WDFY4: variants seen among roughly 807,000 people sequenced by gnomAD.
WDFY4 encodes the protein WDFY family member 4, also known as WD repeat- and FYVE domain-containing protein 4.
In WDFY4, 169 loss-of-function variants were observed where a neutral mutation model predicts 351.9. The ratio of observed to expected loss-of-function variants is 0.48; its 90% CI spans 0.42 to 0.55. WDFY4 has a LOEUF of 0.55. WDFY4 is among the 20% of genes least tolerant of loss of function. WDFY4 has a pLI of 0.00. For missense variants in WDFY4, 3,803 were observed against 3,935.6 expected (o/e 0.97, Z 0.90); for synonymous variants, 1,622 against 1,574.6 (o/e 1.03, Z -0.71).
In WDFY4 at chr10:48,976,823, A is replaced by G; in HGVS notation, c.9135A>G (p.Ala3045=). 3 of 1,497,360 alleles carry G rather than the reference A, an allele frequency of 2.0e-6. No homozygotes were observed. Among genetic ancestry groups the G allele is most frequent in the East Asian group, 2.6e-5 (1 of 38,048 alleles). The allele number at this position is 1,497,360 out of a possible 1,614,324, so 92.8% of individuals were successfully genotyped here. ...VSGTIVSCAG[A]HLSLWNVNGQ... The stretch of plus-strand genomic sequence containing the variant: ...GCACCATTGTCTCCTGTGCGGGAGC[A>G]CACTTGTCCCTGTGGAATGTCAATG... The change falls in exon 59 of 62, where the codon GCA becomes GCG. Residue 3045 remains alanine (A), a synonymous_variant. Coordinates refer to ENST00000325239, the MANE Select transcript of WDFY4 (RefSeq NM_001394531.1).
chr10:48,971,621 T>A (rs1842340864), intron 57 of WDFY4, among the ~76,000 whole-genome samples: 1 of 152,184 alleles, frequency 6.6e-6, no homozygotes, highest in South Asian at 2.1e-4. Context: ...GTTCTCTGGA[T>A]AATTTTCAAG....
intron 43 of WDFY4, 106 bp downstream of exon 43, chr10:48,877,305 C>T: frequency 9.6e-7 from 1 of 1,037,414 alleles, no homozygotes; most frequent in Non-Finnish European, 1.4e-6. Context: ...AATGAGATCT[C>T]CATTTGCTAT....
intron 43 of WDFY4, among the ~76,000 whole-genome samples, chr10:48,885,726 C>G (rs1254540242): frequency 7.4e-6 from 1 of 135,246 alleles, no homozygotes; most frequent in Non-Finnish European, 1.6e-5. Flanking sequence ...CTCTCTCTCT[C>G]TCTCTCTCTA....
intron 2 of WDFY4, among the ~76,000 whole-genome samples, chr10:48,716,150 G>A (rs1025098601): frequency 1.1e-4 from 17 of 151,910 alleles, no homozygotes; most frequent in Admixed American, 3.3e-4. Context: ...CATCACACTC[G>A]CAGGGAAACT....
At chr10:48,790,323 T>C (rs1326215001) in intron 22 of WDFY4, among the ~76,000 whole-genome samples, 3 of 152,208 alleles carry the variant, frequency 2.0e-5, no homozygotes, top group African/African-American at 7.2e-5. Context: ...CTGGTCACCA[T>C]TCAATTGAGC....
At chr10:48,934,910 C>T (rs2133709506) in intron 47 of WDFY4, among the ~76,000 whole-genome samples, 2 of 152,344 alleles carry the variant, frequency 1.3e-5, no homozygotes, top group Admixed American at 1.3e-4. Flanking sequence ...CCTTCCCAGG[C>T]TCGCCTGTGC....
intron 22 of WDFY4, among the ~76,000 whole-genome samples, chr10:48,790,203 C>T (rs1336101270): frequency 5.3e-5 from 8 of 152,226 alleles, no homozygotes; most frequent in Admixed American, 3.3e-4. Flanking sequence ...CAGTGGTGAG[C>T]TCAGCTACTA....
chr10:48,743,127 C>A lies in WDFY4; in HGVS notation c.2038C>A (p.Leu680Met). The part of the protein sequence containing the change: ...GAVSPRQTLE[L>M]VLYTLCAVSA... ...AGTATCCCCCAGACAGACCCTGGAG[C>A]TGGTTTTGTACACTCTCTGTGCTGT... Residue 680 changes from leucine (L) to methionine (M), a missense_variant, in exon 12 of 62, where the codon CTG becomes ATG. Leu to Met is a conservative substitution (Grantham distance 15). Around this residue, in one of 3 missense-constraint regions of WDFY4, gnomAD observed 3,054 missense variants for 3,148.6 expected, o/e 0.97. Transcript: ENST00000325239. The A allele has an allele frequency of 6.4e-7, 1 of 1,551,712 alleles. No homozygotes were observed. The highest frequency in any genetic ancestry group is 1.2e-5 in the South Asian group (1 of 84,060).
At chr10:48,922,992 A>G (rs1211712670) in intron 47 of WDFY4, among the ~76,000 whole-genome samples, 1 of 152,196 alleles carries the variant, frequency 6.6e-6, no homozygotes, top group Non-Finnish European at 1.5e-5. Context: ...ACATCTGTTG[A>G]AGCTTAGAGA....
intron 51 of WDFY4, among the ~76,000 whole-genome samples, chr10:48,953,291 G>T (rs1328978680): frequency 6.8e-6 from 1 of 146,506 alleles, no homozygotes; most frequent in Non-Finnish European, 1.5e-5. Flanking sequence ...CTGCTTCATC[G>T]CATGAGATAT....
intron 47 of WDFY4, chr10:48,909,432 G>T (rs1218120761): frequency 6.6e-6 from 1 of 151,984 alleles, no homozygotes; most frequent in Non-Finnish European, 1.5e-5. Context: ...AGTTGCTTGA[G>T]GTATCTTAGT....
rs557148180 is a variant in WDFY4 at position 48,833,355 on chromosome 10, G to A, written c.6663+646G>A. On this transcript the variant is annotated intron_variant, in intron 39 of 61. Coordinates refer to ENST00000325239, the MANE Select transcript of WDFY4 (RefSeq NM_001394531.1). ...GGCTTTAGTCTGAGACCTTAAGGGG[G>A]GCTATTGGCTGGAACACCTACACAT... Among the ~76,000 whole-genome samples the A allele has an allele frequency of 2.0e-5, 3 of 152,116 alleles. No individual in the cohort carries two copies. The East Asian group carries it at 5.8e-4, about 29-fold the overall frequency.
At position 48,810,726 on chromosome 10, in the gene WDFY4, A is replaced by G. The variant is rs1212989123; in HGVS notation, c.5035A>G (p.Ile1679Val). The G allele has an allele frequency of 2.0e-6, 3 of 1,537,432 alleles. No individual in the cohort carries two copies. The highest frequency in any genetic ancestry group is 2.5e-5 in the East Asian group (1 of 40,772). The change falls in exon 29 of 62, where the codon ATT becomes GTT. Residue 1679 changes from isoleucine (I) to valine (V), a missense_variant. Coordinates refer to ENST00000325239, the MANE Select transcript of WDFY4 (RefSeq NM_001394531.1). ...WVERSTEGVDIVMDNLKSQSP... is the reference protein window; with the variant it reads ...WVERSTEGVDVVMDNLKSQSP... The stretch of plus-strand genomic sequence containing the variant: ...GGAACGCAGCACTGAGGGCGTGGAT[A>G]TTGTAATGGGTGAGCACGTGGCTGT...
chr10:48,739,259 A>G (rs1219636273), intron 11 of WDFY4, among the ~76,000 whole-genome samples: 2 of 152,246 alleles, frequency 1.3e-5, no homozygotes, highest in African/African-American at 4.8e-5. Flanking sequence ...CATCCATTTT[A>G]TAGATTCAAG....
intron 44 of WDFY4, among the ~76,000 whole-genome samples, chr10:48,893,466 C>G (rs560250285): frequency 6.6e-6 from 1 of 152,336 alleles, no homozygotes; most frequent in African/African-American, 2.4e-5. Context: ...CCTAAGTCAT[C>G]CAACAGGCTC....
rs2069943888 is a variant in WDFY4 at position 48,875,090 on chromosome 10, A to C, written c.6950A>C (p.Glu2317Ala). 6.7e-7 allele frequency: 1 copy of C among 1,486,410 alleles called. No individual in the cohort carries two copies. Among genetic ancestry groups the C allele is most frequent in the Non-Finnish European group, 9.0e-7 (1 of 1,115,958 alleles). The allele number at this position is 1,486,410 out of a possible 1,614,324, so 92.1% of individuals were successfully genotyped here. ...LEALSSGRHK[E>A]SQDKNDHISQ... ...TTCTTTTCAATGTCCTTATTTCAGG[A>C]AAGCCAAGACAAAAATGATCATATT... is the stretch of plus-strand genomic sequence containing the variant. The change falls in exon 42 of 62, where the codon GAA (glutamate) becomes GCA (alanine). Residue 2317 changes from glutamate to alanine, a missense_variant and splice_region_variant. By Grantham distance (107) the Glu-to-Ala change is moderately radical. Coordinates refer to ENST00000325239, the MANE Select transcript of WDFY4 (RefSeq NM_001394531.1).
At chr10:48,847,710 T>G (rs2068824243) in intron 39 of WDFY4, among the ~76,000 whole-genome samples, 1 of 152,186 alleles carries the variant, frequency 6.6e-6, no homozygotes, top group African/African-American at 2.4e-5. Context: ...AGAAGATGGC[T>G]TCCTTGAGAA....
intron 39 of WDFY4, among the ~76,000 whole-genome samples, chr10:48,855,271 A>G (rs889086664): frequency 2.0e-5 from 3 of 152,208 alleles, no homozygotes; most frequent in African/African-American, 7.2e-5. Context: ...ATCACCATTA[A>G]TGATACCCCA....
At chr10:48,902,311 C>T (rs902877352) in intron 47 of WDFY4, among the ~76,000 whole-genome samples, 16 of 152,210 alleles carry the variant, frequency 1.1e-4, no homozygotes, top group Non-Finnish European at 2.1e-4. Context: ...TGCTATGGGG[C>T]GTCTCTCCCA....
Sources: gnomAD v4.1 joint callset for allele counts (sites outside exome capture counted in the v4.1 genomes callset) on GRCh38, gnomAD v4.1.1 for gene constraint, gnomAD v4.1.1 regional missense constraint, MANE v1.5 for transcripts, NCBI Gene and HGNC (gene_info 2026-07-23, HGNC 2026-07-21) for gene names.